Variants in MAST4 observed in about 807,000 individuals in gnomAD.
MAST4 encodes microtubule-associated serine/threonine-protein kinase 4.
Under a neutral mutation model 162.7 loss-of-function variants are expected in MAST4, and 89 were observed. That is an observed-to-expected ratio of 0.55 (90% confidence interval 0.46 to 0.65). MAST4 has a LOEUF of 0.65. Ranked by LOEUF, MAST4 falls within the 30% of genes least tolerant of loss-of-function variation. The probability of loss-of-function intolerance (pLI) is 0.00; values close to 1 mark genes in which losing one functional copy is unlikely to be tolerated. For missense variants in MAST4, 3,153 were observed against 3,374.0 expected, an observed-to-expected ratio of 0.93 and a Z score of 1.62; for synonymous variants, 1,479 against 1,361.1, an observed-to-expected ratio of 1.09 and a Z score of -1.91.
intron 3 of MAST4, among the ~76,000 whole-genome samples, chr5:66,897,547 A>C (rs1187763227): frequency 6.6e-6 from 1 of 152,136 alleles, no homozygotes; most frequent in Non-Finnish European, 1.5e-5. Context: ...CAGCACATTC[A>C]TTTCTCTCAC....
chr5:66,954,662 A>T (rs1489725316), intron 4 of MAST4, among the ~76,000 whole-genome samples: 1 of 152,198 alleles, frequency 6.6e-6, no homozygotes, highest in Non-Finnish European at 1.5e-5. Flanking sequence ...GCACTTTGGG[A>T]GGCTGAGGCG....
At chr5:67,025,915 C>G (rs1374419067) in intron 4 of MAST4, among the ~76,000 whole-genome samples, 1 of 152,168 alleles carries the variant, frequency 6.6e-6, no homozygotes, top group African/African-American at 2.4e-5. Flanking sequence ...AGCATCTCAC[C>G]ATTCCTTTGT....
intron 23 of MAST4, among the ~76,000 whole-genome samples, chr5:67,147,008 AT>A (rs754161018): frequency 9.9e-5 from 15 of 152,232 alleles, no homozygotes; most frequent in South Asian, 4.2e-4. Context: ...ACTGTTTACT[AT>A]CTCTTAGTCT....
At chr5:66,785,285 C>G (rs1165733200) in intron 2 of MAST4, among the ~76,000 whole-genome samples, 1 of 152,122 alleles carries the variant, frequency 6.6e-6, no homozygotes, top group Admixed American at 6.5e-5. Context: ...GTGCCTGATG[C>G]CAAGCCTGTG....
intron 4 of MAST4, among the ~76,000 whole-genome samples, chr5:66,956,705 A>G (rs755765319): frequency 1.3e-5 from 2 of 152,102 alleles, no homozygotes; most frequent in Non-Finnish European, 2.9e-5. Context: ...TGTTGTTCCT[A>G]TTGATGCTTG....
At chr5:67,138,291 A>T (rs6891383) in intron 19 of MAST4, among the ~76,000 whole-genome samples, 2,971 of 152,330 alleles carry the variant, frequency 0.02, 108 homozygotes, top group African/African-American at 0.068. Flanking sequence ...TGCCTCATTA[A>T]CAAGTTTTAT....
chr5:66,758,268 T>A (rs1319688175), intron 1 of MAST4, among the ~76,000 whole-genome samples: 1 of 152,056 alleles, frequency 6.6e-6, no homozygotes, highest in Non-Finnish European at 1.5e-5. Flanking sequence ...TAGGGGAATC[T>A]TTTAGCAGCT....
chr5:66,884,195 A>G (rs769005212), intron 3 of MAST4, among the ~76,000 whole-genome samples: 26 of 152,242 alleles, frequency 1.7e-4, no homozygotes, highest in Non-Finnish European at 2.1e-4. Context: ...AAATTTGGGT[A>G]GCACCAGAGA....
chr5:66,674,364 C>A (rs1747816383), intron 1 of MAST4, among the ~76,000 whole-genome samples: 1 of 152,152 alleles, frequency 6.6e-6, no homozygotes, highest in Non-Finnish European at 1.5e-5. Context: ...TGGGCAAAGA[C>A]CACTTAGCTA....
At chr5:67,090,781 A>T (rs1480954227) in intron 6 of MAST4, among the ~76,000 whole-genome samples, 1 of 151,884 alleles carries the variant, frequency 6.6e-6, no homozygotes, top group Non-Finnish European at 1.5e-5. Context: ...ACACAATGTC[A>T]TGTCACACCA....
At chr5:67,080,981 T>TA (rs1435626881) in intron 5 of MAST4, among the ~76,000 whole-genome samples, 1 of 132,246 alleles carries the variant, frequency 7.6e-6, no homozygotes, top group African/African-American at 3.1e-5. Flanking sequence ...TTATATAATA[T>TA]ATATAATTGT....
chr5:66,791,200 T>C (rs1439920717), intron 3 of MAST4, among the ~76,000 whole-genome samples: 1 of 152,188 alleles, frequency 6.6e-6, no homozygotes, highest in Non-Finnish European at 1.5e-5. Flanking sequence ...ATTTTTGCAT[T>C]TTTGGTAGAG....
intron 4 of MAST4, among the ~76,000 whole-genome samples, chr5:66,994,933 A>G (rs1025038761): frequency 1.3e-5 from 2 of 152,226 alleles, no homozygotes; most frequent in Non-Finnish European, 2.9e-5. Flanking sequence ...GACAGAGGGA[A>G]GCAGGTCTGG....
chr5:66,962,681 A>G (rs2150164279), intron 4 of MAST4, among the ~76,000 whole-genome samples: 1 of 152,174 alleles, frequency 6.6e-6, no homozygotes, highest in African/African-American at 2.4e-5. Flanking sequence ...CTGGGTGACT[A>G]GAGTGAAACC....
intron 4 of MAST4, among the ~76,000 whole-genome samples, chr5:67,000,012 T>C (rs1751106075): frequency 6.6e-6 from 1 of 152,224 alleles, no homozygotes; most frequent in Non-Finnish European, 1.5e-5. Flanking sequence ...TGTCCCAGTA[T>C]TAAACTTTAT....
At chr5:66,885,507 A>G (rs1291715068) in intron 3 of MAST4, among the ~76,000 whole-genome samples, 1 of 152,226 alleles carries the variant, frequency 6.6e-6, no homozygotes, top group African/African-American at 2.4e-5. Context: ...ATGGGATGCT[A>G]AGAACATATG....
chr5:67,076,099 G>GA (rs569293001), intron 5 of MAST4, among the ~76,000 whole-genome samples: 16 of 149,176 alleles, frequency 1.1e-4, no homozygotes, highest in Admixed American at 5.3e-4. Context: ...TTCTGGGAAA[G>GA]AAAAAAAAAA....
chr5:66,827,800 C>G (rs1202288465), intron 3 of MAST4, among the ~76,000 whole-genome samples: 2 of 152,180 alleles, frequency 1.3e-5, no homozygotes, highest in Non-Finnish European at 2.9e-5. Context: ...CTCTCAGGAT[C>G]AAACTATTCT....
chr5:66,637,154 A>T (rs1467791504), intron 1 of MAST4, among the ~76,000 whole-genome samples: 1 of 152,112 alleles, frequency 6.6e-6, no homozygotes, highest in African/African-American at 2.4e-5. Context: ...CATATTAGAA[A>T]AGCTAGACTT....
Sources: gnomAD v4.1 joint callset for allele counts (sites outside exome capture counted in the v4.1 genomes callset) on GRCh38, gnomAD v4.1.1 for gene constraint, MANE v1.5 for transcripts, NCBI Gene and HGNC (gene_info 2026-07-23, HGNC 2026-07-21) for gene names.